Variants in PCDHGB4 observed in about 807,000 individuals in gnomAD.
The protein encoded by PCDHGB4 is protocadherin gamma-B4.
Under a neutral mutation model 60.5 loss-of-function variants are expected in PCDHGB4, and 38 were observed. The ratio of observed to expected loss-of-function variants is 0.63; its 90% CI spans 0.48 to 0.82. The LOEUF is 0.82. Among genes scored for constraint, PCDHGB4 ranks in the 40% least tolerant of loss-of-function variants. The pLI is 0.00. For synonymous variants in PCDHGB4, 456 were observed against 509.7 expected (o/e 0.89, Z 1.42); for missense variants, 1,109 against 1,209.6 (o/e 0.92, Z 1.23).
intron 3 of PCDHGB4, 69 bp from the exon 4 acceptor site, chr5:141,510,878 G>A (rs896348248): frequency 6.2e-7 from 1 of 1,610,438 alleles, no homozygotes; most frequent in African/African-American, 1.3e-5. Context: ...TTAACTGCTG[G>A]GGATATAAGA....
At chr5:141,422,503 A>G (rs2096653107) in intron 1 of PCDHGB4, 2 of 1,613,924 alleles carry the variant, frequency 1.2e-6, no homozygotes, top group Non-Finnish European at 1.7e-6. Context: ...GTTGACAGCC[A>G]CAGACCAGGG....
intron 2 of PCDHGB4, among the ~76,000 whole-genome samples, chr5:141,500,844 T>C (rs190011905): frequency 6.6e-6 from 1 of 152,204 alleles, no homozygotes; most frequent in Non-Finnish European, 1.5e-5. Flanking sequence ...AATGGGCTTT[T>C]GCTACATTAG....
intron 1 of PCDHGB4, among the ~76,000 whole-genome samples, chr5:141,444,558 T>C (rs2098440789): frequency 6.6e-6 from 1 of 152,190 alleles, no homozygotes; most frequent in African/African-American, 2.4e-5. Context: ...AAGGCACTTA[T>C]TTGACACTTT....
intron 1 of PCDHGB4, chr5:141,413,247 C>T (rs1168509242): frequency 1.2e-6 from 2 of 1,613,822 alleles, no homozygotes; most frequent in African/African-American, 2.7e-5. Flanking sequence ...GCCTTTTCTT[C>T]GGGATTCCAT....
chr5:141,398,011 T>A lies in PCDHGB4; in HGVS notation c.2397+7730T>A, dbSNP rs531266866. On this transcript the variant is annotated intron_variant, in intron 1 of 3. Coordinates refer to ENST00000519479, the MANE Select transcript of PCDHGB4 (RefSeq NM_003736.4). ...CGCTTCCTCCTCGGAAAAAGAATCG[T>A]TTCCTAAACTGGAACTGGAACTAAA... The A allele has an allele frequency of 2.7e-5, 38 of 1,413,006 alleles. No homozygotes were observed. In the African/African-American group the frequency reaches 4.3e-4, roughly 16 times the overall value. 87.5% of individuals were successfully genotyped at this position (1,413,006 alleles called of 1,614,324 possible). A position where few individuals can be genotyped will look rare whatever the true frequency, so the allele number is the denominator to read the frequency against.
chr5:141,409,205 A>T, intron 1 of PCDHGB4: 1 of 1,614,068 alleles, frequency 6.2e-7, no homozygotes, highest in African/African-American at 1.3e-5. Context: ...TAAAGTAATC[A>T]TAGAAATCCT....
chr5:141,504,907 A>G (rs2099841813), intron 2 of PCDHGB4, among the ~76,000 whole-genome samples: 1 of 152,100 alleles, frequency 6.6e-6, no homozygotes, highest in African/African-American at 2.4e-5. Context: ...TCACTATGAC[A>G]GGAAGCCAGG....
chr5:141,415,311 C>T, intron 1 of PCDHGB4: 2 of 1,614,242 alleles, frequency 1.2e-6, no homozygotes, highest in Non-Finnish European at 1.7e-6. Context: ...TGGCCTTCGT[C>T]ATCGTGCTGC....
intron 1 of PCDHGB4, chr5:141,484,876 A>T (rs1461505847): frequency 6.3e-6 from 2 of 315,126 alleles, no homozygotes; most frequent in Admixed American, 9.4e-5. Flanking sequence ...CGTGGAGGAT[A>T]GGGTGGGCTT....
chr5:141,438,392 ATTAAC>A (rs1296512476), intron 1 of PCDHGB4, among the ~76,000 whole-genome samples: 3 of 151,714 alleles, frequency 2.0e-5, no homozygotes, highest in African/African-American at 7.3e-5. Context: ...TTAGTTCATC[ATTAAC>A]TCTCTGAAGT....
intron 2 of PCDHGB4, among the ~76,000 whole-genome samples, chr5:141,503,324 C>T (rs1389385473): frequency 7.9e-5 from 12 of 152,014 alleles, no homozygotes; most frequent in South Asian, 2.1e-4. Context: ...TGGAGGGGCG[C>T]GGTGGCTCAC....
chr5:141,451,565 C>A (rs1336048717), intron 1 of PCDHGB4, among the ~76,000 whole-genome samples: 2 of 152,062 alleles, frequency 1.3e-5, no homozygotes, highest in South Asian at 2.1e-4. Flanking sequence ...AAGCCACAAT[C>A]TTTTTATAAA....
intron 1 of PCDHGB4, among the ~76,000 whole-genome samples, chr5:141,488,007 G>A (rs1269050547): frequency 6.6e-6 from 1 of 152,178 alleles, no homozygotes; most frequent in African/African-American, 2.4e-5. Flanking sequence ...ATCAGATTCT[G>A]AAGTACCTTA....
In PCDHGB4 at chr5:141,431,414, G is replaced by A. The variant is rs1184197093; in HGVS notation, c.2397+41133G>A. On this transcript the variant is annotated intron_variant, in intron 1 of 3. Coordinates refer to ENST00000519479, the MANE Select transcript of PCDHGB4 (RefSeq NM_003736.4). The surrounding 1 kb of genome is among the most constrained non-coding windows in gnomAD (Gnocchi z 4.8). ...GGTCCTTACGGCCTCCGACGGGGGC[G>A]ACCCGGTGCGCACAGGCACCGCGCG... The A allele has an allele frequency of 6.2e-7, 1 of 1,613,658 alleles. No homozygotes were observed. The highest frequency in any genetic ancestry group is 1.7e-5 in the Admixed American group (1 of 60,026).
intron 1 of PCDHGB4, chr5:141,409,960 C>G: frequency 6.2e-7 from 1 of 1,613,416 alleles, no homozygotes; most frequent in Non-Finnish European, 8.5e-7. Flanking sequence ...AGCCCGGCTA[C>G]CTAGTGACTA....
Position 141,491,699 on chromosome 5 carries a change from A to G in PCDHGB4, c.2398-3108A>G. The G allele has an allele frequency of 6.2e-7, 1 of 1,612,008 alleles. No individual in the cohort carries two copies. The highest frequency in any genetic ancestry group is 1.1e-5 in the South Asian group (1 of 90,926). ...TCTAATACGCTGCGGGAGCGGAGCC[A>G]GGTGAGGGGCTCGGCGCCGCCCCGG... On this transcript the variant is annotated intron_variant, in intron 1 of 3. Transcript: ENST00000519479. The surrounding 1 kb of genome is among the most constrained non-coding windows in gnomAD (Gnocchi z 6.9).
rs768206517 is a variant in PCDHGB4, at chr5:141,432,482, G to A, written c.2397+42201G>A. 10 of 1,614,060 alleles carry A rather than the reference G, an allele frequency of 6.2e-6. No homozygotes were observed. The highest frequency in any genetic ancestry group is 1.3e-5 in the African/African-American group (1 of 74,946). On this transcript the variant is annotated intron_variant, in intron 1 of 3. Coordinates refer to ENST00000519479, the MANE Select transcript of PCDHGB4 (RefSeq NM_003736.4). The surrounding 1 kb of genome is among the most constrained non-coding windows in gnomAD (Gnocchi z 6.0). ...CCTCCCCACGGACGGTTCCACTGGC[G>A]TGGAGCTGGCTCCCCGCTCCGCAGA...
intron 1 of PCDHGB4, chr5:141,423,758 G>GA: frequency 1.1e-5 from 4 of 366,840 alleles, no homozygotes; most frequent in South Asian, 8.5e-5. Flanking sequence ...TTTGGGGGGG[G>GA]GGTGGGGCGG....
At position 141,491,514 on chromosome 5, in the gene PCDHGB4, G is replaced by A. The variant is rs753335815; in HGVS notation, c.2398-3293G>A. ...AGGTGAGCTCGGACGGCACGCTCAAGTACATGGAGGTGACGCTGCGGCCCA... is the reference window on the plus strand; with the variant it reads ...AGGTGAGCTCGGACGGCACGCTCAAATACATGGAGGTGACGCTGCGGCCCA... On this transcript the variant is annotated intron_variant, in intron 1 of 3. Coordinates refer to ENST00000519479, the MANE Select transcript of PCDHGB4 (RefSeq NM_003736.4). The surrounding 1 kb of genome is among the most constrained non-coding windows in gnomAD (Gnocchi z 6.9). 2 of 1,613,964 alleles carry A rather than the reference G, an allele frequency of 1.2e-6. No individual in the cohort carries two copies. Among genetic ancestry groups the A allele is most frequent in the East Asian group, 2.2e-5 (1 of 44,892 alleles).
Sources: allele counts gnomAD v4.1 joint callset (sites outside exome capture counted in the v4.1 genomes callset), GRCh38; gene constraint gnomAD v4.1.1; non-coding constraint Gnocchi (gnomAD v3.1); transcripts MANE v1.5; gene names NCBI Gene and HGNC (gene_info 2026-07-23, HGNC 2026-07-21).